Variants in LLGL1 observed in about 807,000 individuals in gnomAD.
LLGL1 encodes the protein lethal(2) giant larvae protein homolog 1.
LLGL1 carries 58 observed loss-of-function variants against 110.6 expected under a neutral mutation model. The ratio of observed to expected loss-of-function variants is 0.52; its 90% confidence interval spans 0.42 to 0.65. The LOEUF (loss-of-function observed/expected upper bound fraction) is 0.65. LLGL1 is among the 30% of genes least tolerant of loss of function. The pLI, the probability that LLGL1 is intolerant of heterozygous loss-of-function variation, is 0.00. For synonymous variants in LLGL1, 674 were observed against 607.2 expected (o/e 1.11, Z -1.62); for missense variants, 1,229 against 1,462.1 (o/e 0.84, Z 2.60).
chr17:18,242,149 T>C lies in LLGL1; in HGVS notation c.2883-17T>C, dbSNP rs754110312. On this transcript the variant is annotated splice_polypyrimidine_tract_variant and intron_variant, in intron 19 of 22. Coordinates refer to ENST00000316843, the MANE Select transcript of LLGL1 (RefSeq NM_004140.4). ...AGTCATCCACCTATGGTCCCCATCA[T>C]GGCCCCATCTCTGCAGTTACAGGAT... 3 of 1,602,378 alleles carry C rather than the reference T, an allele frequency of 1.9e-6. No individual in the cohort carries two copies. The highest frequency in any genetic ancestry group is 2.6e-6 in the Non-Finnish European group (3 of 1,169,542).
Position 18,244,731 on chromosome 17 carries a change from GGGGC to G in LLGL1, c.*826_*829del, listed in dbSNP as rs2047954664. 9.4e-6 allele frequency: 1 copy of G among 106,504 alleles called. No individual in the cohort carries two copies. Among genetic ancestry groups the G allele is most frequent in the African/African-American group, 3.4e-5 (1 of 29,136 alleles). The allele number at this position is 106,504 out of a possible 1,614,324, so 6.6% of individuals were successfully genotyped here. A position where few individuals can be genotyped will look rare whatever the true frequency, so the allele number is the denominator to read the frequency against. ...AGGTGTGTGTGTCCGGCGGGGGGGG[GGGGC>G]AGGGGGGGGGGTCAAGATGAGTTTC... is the stretch of plus-strand genomic sequence containing the variant. On this transcript the variant is annotated 3_prime_UTR_variant, in exon 23 of 23. Coordinates refer to ENST00000316843, the MANE Select transcript of LLGL1 (RefSeq NM_004140.4).
chr17:18,239,851 T>C (rs1444053028), intron 16 of LLGL1, among the ~76,000 whole-genome samples: 1 of 152,148 alleles, frequency 6.6e-6, no homozygotes, highest in East Asian at 1.9e-4. Context: ...TTCATGTTCA[T>C]GGCCGGCTGG....
rs1567700333 is a variant in LLGL1, at chr17:18,244,736, A to AGGGGGGG, written c.*834_*840dup. The AGGGGGGG allele has an allele frequency of 0.011, 112 of 10,196 alleles. 15 individuals are homozygous for AGGGGGGG. Among genetic ancestry groups the AGGGGGGG allele is most frequent in the East Asian group, 0.024 (5 of 210 alleles). The allele number at this position is 10,196 out of a possible 1,614,324, so 0.6% of individuals were successfully genotyped here. The stretch of plus-strand genomic sequence containing the variant: ...TGTGTGTCCGGCGGGGGGGGGGGGC[A>AGGGGGGG]GGGGGGGGGGTCAAGATGAGTTTCC... On this transcript the variant is annotated 3_prime_UTR_variant, in exon 23 of 23. Transcript: ENST00000316843.
chr17:18,229,881 G>T, intron 1 of LLGL1, 60 bp from the exon 2 acceptor site: 1 of 1,247,316 alleles, frequency 8.0e-7, no homozygotes, highest in Admixed American at 1.9e-5. Context: ...GGGCCTCAGG[G>T]TGGGCCATGG....
At chr17:18,239,477 G>A (rs948381137) in intron 16 of LLGL1, among the ~76,000 whole-genome samples, 5 of 152,126 alleles carry the variant, frequency 3.3e-5, no homozygotes, top group East Asian at 1.9e-4. Flanking sequence ...GTGCCCCTGC[G>A]GATTCTGCCC....
chr17:18,234,217 G>A (rs1310169411), intron 6 of LLGL1, 42 bp downstream of exon 6: 1 of 1,598,538 alleles, frequency 6.3e-7, no homozygotes, highest in Non-Finnish European at 8.5e-7. Flanking sequence ...TGGGCCCCTT[G>A]TGCATGCCCA....
rs1210941109 is a variant in LLGL1 at position 18,242,533 on chromosome 17, ACT to A, written c.3025_3026del (p.Ser1009ThrfsTer11). 6.2e-7 allele frequency: 1 copy of A among 1,613,750 alleles called. No homozygotes were observed. Among genetic ancestry groups the A allele is most frequent in the Non-Finnish European group, 8.5e-7 (1 of 1,179,896 alleles). On this transcript the variant is annotated frameshift_variant, in exon 21 of 23. Transcript: ENST00000316843. LOFTEE classifies it high-confidence loss of function. Reference protein sequence around the residue: ...PDTPEPPEAALSPMSIDSATS... With the variant: ...PDTPEPPEAAXSPMSIDSATS... ...ACACCCCGGAGCCACCCGAGGCTGCACTCTCACCCATGTCCATCGACTCAGCC... is the reference window on the plus strand; with the variant it reads ...ACACCCCGGAGCCACCCGAGGCTGCACTCACCCATGTCCATCGACTCAGCC...
chr17:18,237,428 C>A (rs2047717562), intron 13 of LLGL1, 53 bp from the exon 14 acceptor site: 1 of 1,470,836 alleles, frequency 6.8e-7, no homozygotes, highest in African/African-American at 1.4e-5. Flanking sequence ...GAGTGGGGCC[C>A]AGGGCGGCCC....
At chr17:18,230,390 G>A (rs2047541088) in intron 2 of LLGL1, among the ~76,000 whole-genome samples, 1 of 152,224 alleles carries the variant, frequency 6.6e-6, no homozygotes, top group Non-Finnish European at 1.5e-5. Flanking sequence ...CATGGAGGGT[G>A]GCAGGTGGGC....
At position 18,240,432 on chromosome 17, in the gene LLGL1, G is replaced by A. The variant is rs1252213391; in HGVS notation, c.2207-146G>A. The A allele has an allele frequency of 1.1e-5, 11 of 980,724 alleles. No homozygotes were observed. In the Admixed American group the frequency reaches 2.1e-4, roughly 19 times the overall value. 60.8% of individuals were successfully genotyped at this position (980,724 alleles called of 1,614,324 possible). On this transcript the variant is annotated intron_variant, in intron 16 of 22. Coordinates refer to ENST00000316843, the MANE Select transcript of LLGL1 (RefSeq NM_004140.4). This position sits in a 1 kb window ranked among gnomAD's most constrained non-coding sequence, Gnocchi z 5.3. Reference sequence around the variant, plus strand: ...AGGTCACCAGGGAGGCATGGGGCAGGAGGGAATCAGCCCTGAGTCCCAGGG... The same window carrying A: ...AGGTCACCAGGGAGGCATGGGGCAGAAGGGAATCAGCCCTGAGTCCCAGGG...
chr17:18,236,474 T>G, intron 11 of LLGL1, 133 bp from the exon 12 acceptor site: 1 of 882,036 alleles, frequency 1.1e-6, no homozygotes, highest in East Asian at 2.5e-5. Flanking sequence ...TATTGTTTTT[T>G]GTAAAAGTAG....
intron 13 of LLGL1, 97 bp downstream of exon 13, chr17:18,237,036 G>A: frequency 9.2e-7 from 1 of 1,088,506 alleles, no homozygotes; most frequent in South Asian, 1.4e-5. Context: ...GACTGGCACA[G>A]GCAAAAGCCA....
In LLGL1 at chr17:18,236,713, G is replaced by C; in HGVS notation, c.1459G>C (p.Asp487His). Residue 487 changes from aspartate to histidine, a missense_variant, in exon 12 of 23, where the codon GAC becomes CAC. Coordinates refer to ENST00000316843, the MANE Select transcript of LLGL1 (RefSeq NM_004140.4). The stretch of plus-strand genomic sequence containing the variant: ...CTTCCAGACAGACTGTGAGCACGCT[G>C]ACAGCCTGGCCCAGGCTGCCGAGGA... ...GLFQTDCEHA[D>H]SLAQAAEDDW... 6.2e-7 allele frequency: 1 copy of C among 1,612,490 alleles called. No homozygotes were observed. The highest frequency in any genetic ancestry group is 8.5e-7 in the Non-Finnish European group (1 of 1,179,998).
chr17:18,235,795 G>A (rs948589877), intron 11 of LLGL1: 6 of 518,246 alleles, frequency 1.2e-5, no homozygotes, highest in African/African-American at 1.2e-4. Flanking sequence ...CCTGCCCTGG[G>A]ACTGGAAAAT....
Position 18,244,637 on chromosome 17 carries a change from A to G in LLGL1, c.*731A>G, listed in dbSNP as rs1025751921. The G allele has an allele frequency of 6.9e-6, 1 of 143,936 alleles. No homozygotes were observed. Among genetic ancestry groups the G allele is most frequent in the Non-Finnish European group, 1.5e-5 (1 of 67,294 alleles). 8.9% of individuals were successfully genotyped at this position (143,936 alleles called of 1,614,324 possible). ...CTTCTGGGCCAGTCCCCAGCCTGTC[A>G]TGAGTGTGTGTGTGCGGGCATGGAT... On this transcript the variant is annotated 3_prime_UTR_variant, in exon 23 of 23. Coordinates refer to ENST00000316843, the MANE Select transcript of LLGL1 (RefSeq NM_004140.4).
At chr17:18,232,024 T>C (rs905474858) in intron 2 of LLGL1, among the ~76,000 whole-genome samples, 17 of 152,208 alleles carry the variant, frequency 1.1e-4, no homozygotes, top group Non-Finnish European at 8.8e-5. Flanking sequence ...GCCTGGACTC[T>C]TCTGCCCCCT....
At chr17:18,227,999 C>G (rs2047488045) in intron 1 of LLGL1, among the ~76,000 whole-genome samples, 1 of 152,176 alleles carries the variant, frequency 6.6e-6, no homozygotes, top group Non-Finnish European at 1.5e-5. Context: ...CAGTCCAGCC[C>G]ACACATCGCC....
Position 18,240,910 on chromosome 17 carries a change from TC to T in LLGL1, c.2502+41del. 3 of 1,478,724 alleles carry T rather than the reference TC, an allele frequency of 2.0e-6. No homozygotes were observed. The highest frequency in any genetic ancestry group is 2.7e-6 in the Non-Finnish European group (3 of 1,104,672). The allele number at this position is 1,478,724 out of a possible 1,614,324, so 91.6% of individuals were successfully genotyped here. A position where few individuals can be genotyped will look rare whatever the true frequency, so the allele number is the denominator to read the frequency against. ...TGGGCTGTGGGGGACTCTGGGGGAC[TC>T]CCCTCCAGGCCCCAACCTCATGGAC... On this transcript the variant is annotated intron_variant, in intron 17 of 22. Transcript: ENST00000316843. The surrounding 1 kb of genome is among the most constrained non-coding windows in gnomAD (Gnocchi z 5.3).
At position 18,238,623 on chromosome 17, in the gene LLGL1, A is replaced by G. The variant is rs1365365415; in HGVS notation, c.2206+14A>G. 1.2e-6 allele frequency: 2 copies of G among 1,606,282 alleles called. No homozygotes were observed. The highest frequency in any genetic ancestry group is 1.7e-6 in the Non-Finnish European group (2 of 1,177,068). On this transcript the variant is annotated intron_variant, in intron 16 of 22. Coordinates refer to ENST00000316843, the MANE Select transcript of LLGL1 (RefSeq NM_004140.4). ...TCCTTCGAGATGGTAAGGCAGGGGC[A>G]GGGGCAGGGACAGGGCAAGGGTTGG... is the stretch of plus-strand genomic sequence containing the variant.
Sources: gnomAD v4.1 joint callset for allele counts (sites outside exome capture counted in the v4.1 genomes callset) on GRCh38, gnomAD v4.1.1 for gene constraint, Gnocchi (gnomAD v3.1) non-coding constraint, MANE v1.5 for transcripts, NCBI Gene and HGNC (gene_info 2026-07-23, HGNC 2026-07-21) for gene names.